Variants in B3GALNT2 observed in about 807,000 individuals in gnomAD.
B3GALNT2 encodes the protein UDP-GalNAc:beta-1,3-N-acetylgalactosaminyltransferase 2.
Under a neutral mutation model 61.1 loss-of-function variants are expected in B3GALNT2, and 53 were observed. That is an observed-to-expected ratio of 0.87 (90% CI 0.70 to 1.09). The LOEUF is 1.09. Among genes scored for constraint, B3GALNT2 ranks in the 50% least tolerant of loss-of-function variants. B3GALNT2 has a pLI of 0.00. For synonymous variants in B3GALNT2, 223 were observed against 237.4 expected, an observed-to-expected ratio of 0.94 and a Z score of 0.56; for missense variants, 544 against 623.0, an observed-to-expected ratio of 0.87 and a Z score of 1.35.
At chr1:235,490,583 G>GACATCT (rs1280860113) in intron 2 of B3GALNT2, among the ~76,000 whole-genome samples, 2 of 152,092 alleles carry the variant, frequency 1.3e-5, no homozygotes, top group African/African-American at 2.4e-5. Flanking sequence ...AAATTCACTG[G>GACATCT]ACATCTTCAC....
intron 7 of B3GALNT2, among the ~76,000 whole-genome samples, chr1:235,460,793 C>G (rs763792051): frequency 6.6e-6 from 1 of 152,084 alleles, no homozygotes; most frequent in Non-Finnish European, 1.5e-5. Context: ...AGGCTGGTCT[C>G]TAAATCCTGG....
At chr1:235,485,866 T>C (rs1004576255) in intron 3 of B3GALNT2, among the ~76,000 whole-genome samples, 13 of 152,198 alleles carry the variant, frequency 8.5e-5, no homozygotes, top group African/African-American at 2.9e-4. Flanking sequence ...ATAAAGATTG[T>C]ATTTTCTTAT....
Position 235,465,821 on chromosome 1 carries a change from A to G in B3GALNT2, c.763-107T>C, listed in dbSNP as rs537466813. ...TAATATGACTCCACTTGCAGCAGAT[A>G]AATGCATGTAAGATGCTGGTGCACT... is the stretch of plus-strand genomic sequence containing the variant. On this transcript the variant is annotated intron_variant, in intron 6 of 11. Coordinates refer to ENST00000366600, the MANE Select transcript of B3GALNT2 (RefSeq NM_152490.5). 9.3e-6 allele frequency: 12 copies of G among 1,292,444 alleles called. No homozygotes were observed. The African/African-American group carries it at 1.5e-4, about 16-fold the overall frequency. 80.1% of individuals were successfully genotyped at this position (1,292,444 alleles called of 1,614,324 possible).
In B3GALNT2 at chr1:235,448,595, G is replaced by A; in HGVS notation, c.*1611C>T. ...TAAGCTACTGCCTGGGGACGGGGTG[G>A]GGGAAGAGTATGTGTAGCATGCTTT... On this transcript the variant is annotated 3_prime_UTR_variant, in exon 12 of 12. Transcript: ENST00000366600. 2.1e-6 allele frequency: 3 copies of A among 1,407,432 alleles called. No individual in the cohort carries two copies. The highest frequency in any genetic ancestry group is 3.0e-6 in the Non-Finnish European group (3 of 992,314). The allele number at this position is 1,407,432 out of a possible 1,614,324, so 87.2% of individuals were successfully genotyped here.
At chr1:235,466,520 T>G (rs966892725) in intron 6 of B3GALNT2, among the ~76,000 whole-genome samples, 5 of 152,160 alleles carry the variant, frequency 3.3e-5, no homozygotes, top group African/African-American at 1.2e-4. Flanking sequence ...GCCCAGCTAA[T>G]ATTTATAAAT....
intron 2 of B3GALNT2, among the ~76,000 whole-genome samples, chr1:235,494,371 G>C (rs148604384): frequency 1.4e-4 from 22 of 151,926 alleles, no homozygotes; most frequent in Non-Finnish European, 3.1e-4. Flanking sequence ...CTATATGGAA[G>C]AAAAGCAAAT....
intron 3 of B3GALNT2, among the ~76,000 whole-genome samples, chr1:235,486,046 G>A (rs1258172225): frequency 6.6e-6 from 1 of 151,904 alleles, no homozygotes; most frequent in Non-Finnish European, 1.5e-5. Flanking sequence ...ACCTGAGATT[G>A]TGCCACTGCA....
At chr1:235,458,845 C>A in intron 7 of B3GALNT2, 59 bp from the exon 8 acceptor site, 1 of 1,410,648 alleles carries the variant, frequency 7.1e-7, no homozygotes, top group South Asian at 1.5e-5. Context: ...CCATTCAGAA[C>A]TGATGATGTA....
At position 235,450,353 on chromosome 1, in the gene B3GALNT2, A is replaced by C; in HGVS notation, c.1369-13T>G. 5 of 1,613,382 alleles carry C rather than the reference A, an allele frequency of 3.1e-6. No individual in the cohort carries two copies. Among genetic ancestry groups the C allele is most frequent in the East Asian group, 2.2e-5 (1 of 44,872 alleles). ...GCCACAGACTGTCCTGTTGAGAAAC[A>C]ACCAAAGCCGATCTGAGAGTGGTGA... On this transcript the variant is annotated splice_polypyrimidine_tract_variant and intron_variant, in intron 11 of 11. Coordinates refer to ENST00000366600, the MANE Select transcript of B3GALNT2 (RefSeq NM_152490.5).
At chr1:235,474,963 ATATATATATATATATATATATATATTTTT>A (rs1558424816) in intron 5 of B3GALNT2, among the ~76,000 whole-genome samples, 2 of 23,418 alleles carry the variant, frequency 8.5e-5, no homozygotes, top group South Asian at 1.5e-3. Flanking sequence ...ATATATATAT[ATATATATATATATATATATATATATTTTT>A]TTTTTTTTTT....
chr1:235,461,791 A>G (rs1027548410), intron 7 of B3GALNT2, among the ~76,000 whole-genome samples: 1 of 152,198 alleles, frequency 6.6e-6, no homozygotes, highest in Non-Finnish European at 1.5e-5. Flanking sequence ...CTGGGATTAC[A>G]GGCATTGAGC....
chr1:235,450,480 G>A (rs1166830266), intron 11 of B3GALNT2, 140 bp from the exon 12 acceptor site: 11 of 1,104,046 alleles, frequency 1.0e-5, no homozygotes, highest in Non-Finnish European at 1.4e-5. Context: ...GGAACAACTG[G>A]TGAGGTTTGG....
rs750335648 is a variant in B3GALNT2, at chr1:235,458,790, T to C, written c.842-4A>G. 132 of 1,572,630 alleles carry C rather than the reference T, an allele frequency of 8.4e-5. No individual in the cohort carries two copies. The highest frequency in any genetic ancestry group is 1.2e-4 in the Admixed American group (6 of 51,354). On this transcript the variant is annotated splice_region_variant and splice_polypyrimidine_tract_variant and intron_variant, in intron 7 of 11. Coordinates refer to ENST00000366600, the MANE Select transcript of B3GALNT2 (RefSeq NM_152490.5). ...TTGTGTAAGAGAGCATCACCTTCTA[T>C]AAAGGAAAAGTTGAGAGTTGGAGAA... is the stretch of plus-strand genomic sequence containing the variant.
At chr1:235,454,736 C>T (rs546624199) in intron 9 of B3GALNT2, among the ~76,000 whole-genome samples, 8 of 152,150 alleles carry the variant, frequency 5.3e-5, no homozygotes, top group South Asian at 4.2e-4. Flanking sequence ...CACTGCCCTT[C>T]CAGAAAAAAA....
At chr1:235,495,652 GAAGAGA>G (rs1685286759) in intron 1 of B3GALNT2, among the ~76,000 whole-genome samples, 1 of 152,140 alleles carries the variant, frequency 6.6e-6, no homozygotes, top group Non-Finnish European at 1.5e-5. Context: ...TTAGAAGACA[GAAGAGA>G]AAGATATACT....
chr1:235,468,529 T>C (rs1217301513), intron 6 of B3GALNT2, among the ~76,000 whole-genome samples: 1 of 145,398 alleles, frequency 6.9e-6, no homozygotes, highest in Admixed American at 7.2e-5. Flanking sequence ...CTTGGCTCAC[T>C]GCAACCTCCA....
In B3GALNT2 at chr1:235,481,002, C is replaced by T. The variant is rs149935231; in HGVS notation, c.556-853G>A. Among the ~76,000 whole-genome samples the T allele has an allele frequency of 2.2e-4, 33 of 147,894 alleles. 1 individual carries two copies. Among genetic ancestry groups the T allele is most frequent in the East Asian group, 2.0e-3 (10 of 5,044 alleles). On this transcript the variant is annotated intron_variant, in intron 4 of 11. Transcript: ENST00000366600. ...CTTGGGTTCTCCCATTTCTTCCAGG[C>T]AACATTTCCTCATTCTCATGCCTAT... is the stretch of plus-strand genomic sequence containing the variant.
chr1:235,482,104 T>C (rs1458986572), intron 4 of B3GALNT2, among the ~76,000 whole-genome samples: 1 of 152,190 alleles, frequency 6.6e-6, no homozygotes, highest in East Asian at 1.9e-4. Context: ...ATCAGACCAA[T>C]TCTCCTATAG....
At chr1:235,443,054 A>G, downstream of B3GALNT2, 1 of 817,792 alleles carries the variant, frequency 1.2e-6, no homozygotes, top group Non-Finnish European at 2.0e-6. Context: ...ATATTCTAAA[A>G]TACAATCAAT....
Sources: allele counts gnomAD v4.1 joint callset (sites outside exome capture counted in the v4.1 genomes callset), GRCh38; gene constraint gnomAD v4.1.1; transcripts MANE v1.5; gene names NCBI Gene and HGNC (gene_info 2026-07-23, HGNC 2026-07-21).